The following AMPD3 variants were observed in gnomAD, a reference collection of about 807,000 sequenced individuals.
AMPD3 encodes adenosine monophosphate deaminase 3, also known as AMP deaminase 3.
AMPD3 carries 57 observed loss-of-function variants against 82.3 expected under a neutral mutation model. That is an observed-to-expected ratio of 0.69 (90% CI 0.56 to 0.86). The LOEUF (loss-of-function observed/expected upper bound fraction) is 0.86. Among genes scored for constraint, AMPD3 ranks in the 40% least tolerant of loss-of-function variants. The probability of loss-of-function intolerance (pLI) is 0.00; values close to 1 mark genes in which losing one functional copy is unlikely to be tolerated. For missense variants in AMPD3, 870 were observed against 1,003.8 expected, an observed-to-expected ratio of 0.87 and a Z score of 1.80; for synonymous variants, 381 against 394.7, an observed-to-expected ratio of 0.97 and a Z score of 0.41.
chr11:10,487,925 A>C (rs1196504650), intron 6 of AMPD3, among the ~76,000 whole-genome samples: 1 of 152,152 alleles, frequency 6.6e-6, no homozygotes, highest in African/African-American at 2.4e-5. Flanking sequence ...ACGTTTACCT[A>C]TGTAACAAAC....
chr11:10,490,819 G>A (rs191452094), intron 6 of AMPD3, among the ~76,000 whole-genome samples: 10 of 152,318 alleles, frequency 6.6e-5, no homozygotes, highest in African/African-American at 2.4e-4. Context: ...GAGCCAGGCT[G>A]ACCTTCTTTT....
chr11:10,479,963 A>G, intron 3 of AMPD3: 1 of 985,364 alleles, frequency 1.0e-6, no homozygotes, highest in African/African-American at 1.7e-5. Context: ...TGTTCACCCA[A>G]CCTGAGGCAG....
At chr11:10,486,317 C>A (rs780547889) in intron 5 of AMPD3, among the ~76,000 whole-genome samples, 1 of 152,140 alleles carries the variant, frequency 6.6e-6, no homozygotes, top group African/African-American at 2.4e-5. Context: ...TGGAAGTCTA[C>A]GTGATTAGAT....
intron 6 of AMPD3, among the ~76,000 whole-genome samples, chr11:10,487,863 G>A (rs1006222302): frequency 1.3e-5 from 2 of 152,106 alleles, no homozygotes; most frequent in African/African-American, 2.4e-5. Context: ...GCTTCCAGCT[G>A]GGCTTAATAC....
At chr11:10,495,272 C>G (rs1849359742) in intron 8 of AMPD3, 1 of 985,336 alleles carries the variant, frequency 1.0e-6, no homozygotes, top group African/African-American at 1.7e-5. Context: ...CTCACAGCAC[C>G]TGGCCTGGCT....
rs914186432 is a variant in AMPD3, at chr11:10,492,926, G to A, written c.940-423G>A. Among the ~76,000 whole-genome samples the A allele has an allele frequency of 2.0e-5, 3 of 152,188 alleles. No homozygotes were observed. The East Asian group carries it at 5.8e-4, about 29-fold the overall frequency. On this transcript the variant is annotated intron_variant, in intron 6 of 14. Coordinates refer to ENST00000396553, the MANE Select transcript of AMPD3 (RefSeq NM_001025389.2). ...CGTGGGCAAAGGGATGCAGTGTACTGTACCTTGGTGTGTGGTGTACCCGTA... is the reference window on the plus strand; with the variant it reads ...CGTGGGCAAAGGGATGCAGTGTACTATACCTTGGTGTGTGGTGTACCCGTA...
At chr11:10,488,273 G>A (rs554795524) in intron 6 of AMPD3, 3 of 985,486 alleles carry the variant, frequency 3.0e-6, no homozygotes, top group African/African-American at 3.5e-5. Flanking sequence ...CAGGGTCAGT[G>A]CTAGGCAGGG....
intron 9 of AMPD3, chr11:10,496,265 G>T: frequency 1.0e-6 from 1 of 985,352 alleles, no homozygotes; most frequent in Non-Finnish European, 1.2e-6. Flanking sequence ...AAGGCCTTGG[G>T]GGAACTACTA....
intron 3 of AMPD3, chr11:10,479,976 G>A (rs1848853707): frequency 8.1e-6 from 8 of 985,418 alleles, no homozygotes; most frequent in Middle Eastern, 1.0e-3. Flanking sequence ...TGAGGCAGGT[G>A]GGCAGGGCAT....
At chr11:10,485,308 G>A (rs751924017) in intron 5 of AMPD3, among the ~76,000 whole-genome samples, 23 of 152,238 alleles carry the variant, frequency 1.5e-4, no homozygotes, top group Non-Finnish European at 1.6e-4. Context: ...GTGCAGTGGT[G>A]CGATCTTGGT....
chr11:10,461,825 C>T (rs1848279903), intron 2 of AMPD3, 85 bp downstream of exon 2: 9 of 1,272,116 alleles, frequency 7.1e-6, no homozygotes, highest in Admixed American at 2.0e-5. Context: ...TATGAGGCAC[C>T]TCATGGGGAC....
At chr11:10,460,997 A>T in intron 1 of AMPD3, 1 of 1,095,696 alleles carries the variant, frequency 9.1e-7, no homozygotes, top group Non-Finnish European at 1.1e-6. Flanking sequence ...TCTCTTCAGC[A>T]AAAGGCCTTG....
upstream of AMPD3, chr11:10,450,507 G>T: frequency 1.0e-6 from 1 of 986,100 alleles, no homozygotes; most frequent in South Asian, 4.7e-5. Flanking sequence ...GGGGAGGGGA[G>T]GACGTCGGGC....
At chr11:10,488,854 C>G (rs1317159587) in intron 6 of AMPD3, among the ~76,000 whole-genome samples, 2 of 152,138 alleles carry the variant, frequency 1.3e-5, no homozygotes, top group Non-Finnish European at 2.9e-5. Context: ...GAGGATGTGG[C>G]TCCTCTGGGA....
In AMPD3 at chr11:10,461,576, C is replaced by T. The variant is rs1848272065; in HGVS notation, c.57C>T (p.Leu19=). The T allele has an allele frequency of 3.7e-6, 6 of 1,614,096 alleles. No individual in the cohort carries two copies. The highest frequency in any genetic ancestry group is 1.1e-5 in the South Asian group (1 of 91,094). ...CTGAAGTGGATGAGCAAGTCCGGCT[C>T]CTGGCGGAGAAGGTGTTTGCTAAAG... ...NISEVDEQVR[L]LAEKVFAKVL... is the part of the protein sequence containing the mutation. Residue 19 remains leucine (L), a synonymous_variant, in exon 2 of 15, where the codon CTC becomes CTT. Transcript: ENST00000396553.
At chr11:10,489,743 C>T (rs1298366830) in intron 6 of AMPD3, among the ~76,000 whole-genome samples, 1 of 151,808 alleles carries the variant, frequency 6.6e-6, no homozygotes, top group East Asian at 1.9e-4. Flanking sequence ...TGCAGTGGTA[C>T]AATCTCAGCT....
chr11:10,493,644 A>G (rs753260134), intron 7 of AMPD3, 101 bp downstream of exon 7: 14 of 1,336,372 alleles, frequency 1.0e-5, no homozygotes, highest in Non-Finnish European at 1.5e-5. Context: ...GGGAGGTGCT[A>G]CGGAAGCAGC....
At chr11:10,477,589 C>T (rs980078476) in intron 2 of AMPD3, among the ~76,000 whole-genome samples, 9 of 152,150 alleles carry the variant, frequency 5.9e-5, no homozygotes. Context: ...AACCTTGGGC[C>T]CAAGAGCCAG....
chr11:10,498,088 C>T (rs1043476714), intron 10 of AMPD3, among the ~76,000 whole-genome samples: 8 of 152,210 alleles, frequency 5.3e-5, no homozygotes, highest in African/African-American at 1.7e-4. Flanking sequence ...CTGACTCCAG[C>T]GATGTACCCT....
Sources: gnomAD v4.1 joint callset for allele counts (sites outside exome capture counted in the v4.1 genomes callset) on GRCh38, gnomAD v4.1.1 for gene constraint, MANE v1.5 for transcripts, NCBI Gene and HGNC (gene_info 2026-07-23, HGNC 2026-07-21) for gene names.